The following LMBRD1 variants were observed in gnomAD, a reference collection of about 807,000 sequenced individuals.
LMBRD1 encodes lysosomal cobalamin transport escort protein LMBD1.
In LMBRD1, 64 loss-of-function variants were observed where a neutral mutation model predicts 74.8. That is an observed-to-expected ratio of 0.86 (90% CI 0.70 to 1.05). LMBRD1 has a LOEUF of 1.05. LMBRD1 is among the 50% of genes least tolerant of loss of function. The probability of loss-of-function intolerance (pLI) is 0.00; values close to 1 mark genes in which losing one functional copy is unlikely to be tolerated. For missense variants in LMBRD1, 652 were observed against 645.9 expected, an observed-to-expected ratio of 1.01 and a Z score of -0.10; for synonymous variants, 204 against 216.3, an observed-to-expected ratio of 0.94 and a Z score of 0.50.
intron 14 of LMBRD1, among the ~76,000 whole-genome samples, chr6:69,686,930 G>T (rs989886557): frequency 6.6e-6 from 1 of 152,118 alleles, no homozygotes; most frequent in Non-Finnish European, 1.5e-5. Flanking sequence ...GGTTATCATA[G>T]ACTACTGCAT....
chr6:69,736,763 A>G (rs758674427), intron 7 of LMBRD1, among the ~76,000 whole-genome samples: 17 of 152,246 alleles, frequency 1.1e-4, no homozygotes, highest in Non-Finnish European at 1.9e-4. Flanking sequence ...GTTAAAGGAC[A>G]AACCCAAGAT....
Position 69,701,428 on chromosome 6 carries a change from T to A in LMBRD1, c.1083+15A>T, listed in dbSNP as rs1476384561. ...TCTAGCAGCTACAGTATAAAATGAT[T>A]GATATTTTACTTACTGTTTGTAGTA... is the stretch of plus-strand genomic sequence containing the variant. On this transcript the variant is annotated intron_variant, in intron 11 of 15. Coordinates refer to ENST00000649934, the MANE Select transcript of LMBRD1 (RefSeq NM_018368.4). 7.1e-7 allele frequency: 1 copy of A among 1,402,460 alleles called. No homozygotes were observed. Among genetic ancestry groups the A allele is most frequent in the Non-Finnish European group, 1.0e-6 (1 of 990,030 alleles). The allele number at this position is 1,402,460 out of a possible 1,614,324, so 86.9% of individuals were successfully genotyped here.
At chr6:69,705,866 C>A (rs750919641) in intron 9 of LMBRD1, 2 of 1,340,032 alleles carry the variant, frequency 1.5e-6, no homozygotes, top group Non-Finnish European at 2.1e-6. Flanking sequence ...AACCGTAAGA[C>A]CACTGGTGGT....
At chr6:69,741,243 A>G (rs1767094012) in intron 6 of LMBRD1, among the ~76,000 whole-genome samples, 1 of 152,170 alleles carries the variant, frequency 6.6e-6, no homozygotes, top group South Asian at 2.1e-4. Flanking sequence ...TTCTTTCAAC[A>G]TGGTAATTTT....
chr6:69,713,596 C>T, intron 9 of LMBRD1, 49 bp downstream of exon 9: 1 of 1,591,736 alleles, frequency 6.3e-7, no homozygotes, highest in Non-Finnish European at 8.6e-7. Flanking sequence ...AGAGGTACTA[C>T]ATAAACTTGG....
At chr6:69,790,269 A>T (rs779254567) in intron 2 of LMBRD1, 27 bp downstream of exon 2, 11 of 1,544,884 alleles carry the variant, frequency 7.1e-6, no homozygotes. Context: ...AAAGGAAAAA[A>T]AATCTGCAAA....
At position 69,674,937 on chromosome 6, in the gene LMBRD1, C is replaced by T. The variant is rs1765516748; in HGVS notation, c.*1221G>A. 6.6e-6 allele frequency among the ~76,000 whole-genome samples: 1 copy of T among 151,962 alleles called. No homozygotes were observed. The highest frequency in any genetic ancestry group is 1.5e-5 in the Non-Finnish European group (1 of 68,010). On this transcript the variant is annotated 3_prime_UTR_variant, in exon 16 of 16. Coordinates refer to ENST00000649934, the MANE Select transcript of LMBRD1 (RefSeq NM_018368.4). Reference sequence around the variant, plus strand: ...GCAGTGAGCTGAGATCGTGCCATTGCACTCCAGCCTGGGCGACAAGAGTGA... The same window carrying T: ...GCAGTGAGCTGAGATCGTGCCATTGTACTCCAGCCTGGGCGACAAGAGTGA...
At chr6:69,685,796 T>C (rs767848260) in intron 14 of LMBRD1, among the ~76,000 whole-genome samples, 1 of 152,070 alleles carries the variant, frequency 6.6e-6, no homozygotes, top group African/African-American at 2.4e-5. Context: ...CGAGGCTCCG[T>C]CTCAAAAACA....
At position 69,773,059 on chromosome 6, in the gene LMBRD1, T is replaced by C. The variant is rs9346348; in HGVS notation, c.307+7435A>G. Among the ~76,000 whole-genome samples, 19 of 152,026 alleles carry C rather than the reference T, an allele frequency of 1.2e-4. No individual in the cohort carries two copies. The East Asian group carries it at 1.4e-3, about 11-fold the overall frequency. On this transcript the variant is annotated intron_variant, in intron 3 of 15. Coordinates refer to ENST00000649934, the MANE Select transcript of LMBRD1 (RefSeq NM_018368.4). ...ACTTCAAAGGTCTCATGTACTCTTC[T>C]CAAGTTAGATTCTAGGAGTTGTAAA... is the stretch of plus-strand genomic sequence containing the variant.
chr6:69,750,578 A>G (rs1335799945), intron 4 of LMBRD1, among the ~76,000 whole-genome samples: 1 of 152,154 alleles, frequency 6.6e-6, no homozygotes, highest in Non-Finnish European at 1.5e-5. Flanking sequence ...TGTTTCACAT[A>G]GTTCTTATTC....
rs1022087035 is a variant in LMBRD1 at position 69,675,410 on chromosome 6, A to G, written c.*748T>C. Reference sequence around the variant, plus strand: ...CTCTAAAACCAAAATATGATGCCATATATCTTAAATTAATCCATAAACTGA... The same window carrying G: ...CTCTAAAACCAAAATATGATGCCATGTATCTTAAATTAATCCATAAACTGA... On this transcript the variant is annotated 3_prime_UTR_variant, in exon 16 of 16. Coordinates refer to ENST00000649934, the MANE Select transcript of LMBRD1 (RefSeq NM_018368.4). Among the ~76,000 whole-genome samples, 1 of 151,564 alleles carries G rather than the reference A, an allele frequency of 6.6e-6. No individual in the cohort carries two copies. The highest frequency in any genetic ancestry group is 1.5e-5 in the Non-Finnish European group (1 of 68,014).
At chr6:69,684,497 T>A (rs1765722986) in intron 14 of LMBRD1, among the ~76,000 whole-genome samples, 1 of 152,124 alleles carries the variant, frequency 6.6e-6, no homozygotes, top group Admixed American at 6.6e-5. Context: ...TTTAAAGTTG[T>A]AAGAGGAAAT....
At chr6:69,743,422 C>G (rs1767149820) in intron 5 of LMBRD1, among the ~76,000 whole-genome samples, 1 of 151,964 alleles carries the variant, frequency 6.6e-6, no homozygotes, top group African/African-American at 2.4e-5. Context: ...ATTAATTAAC[C>G]CTTGCTCTTG....
intron 2 of LMBRD1, among the ~76,000 whole-genome samples, chr6:69,788,826 T>C (rs768832292): frequency 8.5e-5 from 13 of 152,226 alleles, no homozygotes; most frequent in Non-Finnish European, 1.6e-4. Flanking sequence ...AGAAGCCATC[T>C]TCCCAAGAAA....
At chr6:69,688,402 ATTTTT>A (rs758941295) in intron 14 of LMBRD1, among the ~76,000 whole-genome samples, 1 of 146,676 alleles carries the variant, frequency 6.8e-6, no homozygotes, top group Non-Finnish European at 1.5e-5. Context: ...AAGGGCAGAG[ATTTTT>A]TTTTTTTTTC....
At chr6:69,771,660 C>A (rs1198652303) in intron 3 of LMBRD1, among the ~76,000 whole-genome samples, 2 of 151,502 alleles carry the variant, frequency 1.3e-5, no homozygotes, top group Non-Finnish European at 2.9e-5. Flanking sequence ...AATGTCAGAT[C>A]ACATAAGGCC....
chr6:69,698,301 G>T (rs954448896), intron 13 of LMBRD1, among the ~76,000 whole-genome samples: 2 of 151,974 alleles, frequency 1.3e-5, no homozygotes, highest in Non-Finnish European at 2.9e-5. Context: ...TTAAAGTAAA[G>T]AAAGAATGAA....
In LMBRD1 at chr6:69,695,842, T is replaced by TC. The variant is rs1491471635; in HGVS notation, c.1417+1720_1417+1721insG. Among the ~76,000 whole-genome samples, 15 of 5,540 alleles carry TC rather than the reference T, an allele frequency of 2.7e-3. No homozygotes were observed. In the Admixed American group the frequency reaches 0.12, roughly 45 times the overall value. 3.6% of individuals were successfully genotyped at this position (5,540 alleles called of 152,430 possible). A position where few individuals can be genotyped will look rare whatever the true frequency, so the allele number is the denominator to read the frequency against. ...TTTACAATTTTTCTAACCTTAGTACTTTTTTTTTTTTTTTTCCCTGAGACA... is the reference window on the plus strand; with the variant it reads ...TTTACAATTTTTCTAACCTTAGTACTCTTTTTTTTTTTTTTTCCCTGAGACA... On this transcript the variant is annotated intron_variant, in intron 14 of 15. Transcript: ENST00000649934.
At chr6:69,725,387 C>T (rs942460296) in intron 7 of LMBRD1, among the ~76,000 whole-genome samples, 4 of 150,382 alleles carry the variant, frequency 2.7e-5, no homozygotes, top group Admixed American at 1.3e-4. Flanking sequence ...AAAACACACA[C>T]CTAAAGTGTA....
Sources: gnomAD v4.1 joint callset for allele counts (sites outside exome capture counted in the v4.1 genomes callset) on GRCh38, gnomAD v4.1.1 for gene constraint, MANE v1.5 for transcripts, NCBI Gene and HGNC (gene_info 2026-07-23, HGNC 2026-07-21) for gene names.